Variants in PEX5L observed in about 807,000 individuals in gnomAD.
The protein encoded by PEX5L is peroxisomal biogenesis factor 5 like.
A neutral mutation model predicts 84.0 loss-of-function variants in PEX5L; 30 were observed. The observed-to-expected ratio is 0.36, with a 90% CI of 0.27 to 0.48. PEX5L has a LOEUF of 0.48. Ranked by LOEUF, PEX5L falls within the 20% of genes least tolerant of loss-of-function variation. The pLI is 0.99. For synonymous variants in PEX5L, 270 were observed against 283.1 expected (o/e 0.95, Z 0.46); for missense variants, 533 against 754.6 (o/e 0.71, Z 3.44).
intron 1 of PEX5L, among the ~76,000 whole-genome samples, chr3:180,007,714 A>T (rs1261490718): frequency 2.0e-5 from 3 of 152,228 alleles, no homozygotes. Flanking sequence ...TGCAGGCTAA[A>T]TACCACATGG....
chr3:180,033,173 A>C (rs929721069), intron 1 of PEX5L, among the ~76,000 whole-genome samples: 35 of 152,224 alleles, frequency 2.3e-4, no homozygotes, highest in African/African-American at 7.7e-4. Context: ...CAAATGCAAA[A>C]CTCCCCTGGG....
At chr3:179,907,408 A>G (rs922510212) in intron 2 of PEX5L, among the ~76,000 whole-genome samples, 2 of 151,904 alleles carry the variant, frequency 1.3e-5, no homozygotes, top group African/African-American at 4.8e-5. Context: ...GAGCTCTTGT[A>G]CTCAAGTGAT....
rs951674876 is a variant in PEX5L at position 179,799,507 on chromosome 3, C to G, written c.*2321G>C. On this transcript the variant is annotated 3_prime_UTR_variant, in exon 15 of 15. Coordinates refer to ENST00000467460, the MANE Select transcript of PEX5L (RefSeq NM_016559.3). Reference sequence around the variant, plus strand: ...CACAAAATTTGCCACCATTTAGCAACAAATTAATTATTTGACATTTATACT... The same window carrying G: ...CACAAAATTTGCCACCATTTAGCAAGAAATTAATTATTTGACATTTATACT... 1 of 152,184 alleles carries G rather than the reference C, an allele frequency of 6.6e-6. No homozygotes were observed. The highest frequency in any genetic ancestry group is 2.4e-5 in the African/African-American group (1 of 41,448). 9.4% of individuals were successfully genotyped at this position (152,184 alleles called of 1,614,324 possible).
intron 1 of PEX5L, among the ~76,000 whole-genome samples, chr3:180,005,406 A>C (rs1302169234): frequency 6.6e-6 from 1 of 152,096 alleles, no homozygotes; most frequent in Non-Finnish European, 1.5e-5. Flanking sequence ...GACTACAATC[A>C]TATGCCAACA....
intron 1 of PEX5L, among the ~76,000 whole-genome samples, chr3:179,976,117 T>A (rs1201328254): frequency 6.6e-6 from 1 of 152,166 alleles, no homozygotes; most frequent in Non-Finnish European, 1.5e-5. Flanking sequence ...AGAGAACAGT[T>A]GCATTTAAGT....
chr3:179,993,809 T>C (rs2110384940), intron 1 of PEX5L, among the ~76,000 whole-genome samples: 1 of 152,274 alleles, frequency 6.6e-6, no homozygotes, highest in East Asian at 1.9e-4. Flanking sequence ...GGCTTTCCCA[T>C]ATACTTTAAA....
At chr3:179,995,980 C>T (rs761864405) in intron 1 of PEX5L, among the ~76,000 whole-genome samples, 1 of 152,192 alleles carries the variant, frequency 6.6e-6, no homozygotes, top group Non-Finnish European at 1.5e-5. Flanking sequence ...CTTCCCCATT[C>T]CCGTAAAGTG....
chr3:179,803,764 C>T (rs1415733145), intron 14 of PEX5L, among the ~76,000 whole-genome samples: 2 of 152,180 alleles, frequency 1.3e-5, no homozygotes, highest in African/African-American at 4.8e-5. Context: ...TTCTAATGCA[C>T]ATAATCCAGG....
intron 8 of PEX5L, among the ~76,000 whole-genome samples, chr3:179,849,822 T>C (rs775028933): frequency 5.3e-5 from 8 of 152,250 alleles, no homozygotes; most frequent in Non-Finnish European, 7.3e-5. Context: ...ACATCCAGAA[T>C]GCAGATCGTG....
At chr3:179,860,883 C>T (rs1049501935) in intron 7 of PEX5L, among the ~76,000 whole-genome samples, 2 of 152,166 alleles carry the variant, frequency 1.3e-5, no homozygotes, top group African/African-American at 4.8e-5. Context: ...ATGCTCATAA[C>T]CACTGTTCTA....
chr3:179,868,562 T>G (rs1577833414), intron 7 of PEX5L, among the ~76,000 whole-genome samples: 1 of 152,282 alleles, frequency 6.6e-6, no homozygotes, highest in South Asian at 2.1e-4. Flanking sequence ...AAGCTGTCTT[T>G]TGTTGGGGAA....
At position 180,036,930 on chromosome 3, in the gene PEX5L, C is replaced by T; in HGVS notation, c.-331G>A. ...ACTCCTTCTTCGCCGAACTCTTTCT[C>T]GCTTCCTGCCAGGTTGCCTCATGTC... On this transcript the variant is annotated 5_prime_UTR_variant, in exon 1 of 15. Coordinates refer to ENST00000467460, the MANE Select transcript of PEX5L (RefSeq NM_016559.3). The T allele has an allele frequency of 2.8e-6, 1 of 359,686 alleles. No individual in the cohort carries two copies. The highest frequency in any genetic ancestry group is 5.3e-6 in the Non-Finnish European group (1 of 188,646). The allele number at this position is 359,686 out of a possible 1,614,324, so 22.3% of individuals were successfully genotyped here. A position where few individuals can be genotyped will look rare whatever the true frequency, so the allele number is the denominator to read the frequency against.
intron 11 of PEX5L, among the ~76,000 whole-genome samples, chr3:179,810,535 T>C (rs1006739070): frequency 6.6e-6 from 1 of 152,134 alleles, no homozygotes; most frequent in Non-Finnish European, 1.5e-5. Flanking sequence ...GTGAATCATC[T>C]GGGGTGTCTT....
At chr3:179,883,458 T>A (rs1358183939) in intron 4 of PEX5L, among the ~76,000 whole-genome samples, 1 of 152,222 alleles carries the variant, frequency 6.6e-6, no homozygotes, top group Non-Finnish European at 1.5e-5. Context: ...ATATTGTGCA[T>A]AAAATAAGGC....
chr3:179,912,776 A>G (rs984914118), intron 2 of PEX5L, among the ~76,000 whole-genome samples: 4 of 152,096 alleles, frequency 2.6e-5, no homozygotes, highest in South Asian at 2.1e-4. Context: ...AGCATTCCCA[A>G]TTATTTTTTC....
chr3:179,866,999 C>T (rs1049991224), intron 7 of PEX5L, among the ~76,000 whole-genome samples: 2 of 141,106 alleles, frequency 1.4e-5, no homozygotes, highest in African/African-American at 5.3e-5. Flanking sequence ...GTACTCCAGC[C>T]TGGGTGACAG....
At chr3:179,997,927 T>G (rs1434647393) in intron 1 of PEX5L, among the ~76,000 whole-genome samples, 1 of 152,250 alleles carries the variant, frequency 6.6e-6, no homozygotes, top group Non-Finnish European at 1.5e-5. Context: ...TCTGGCTTTG[T>G]GTCATAATCT....
At chr3:179,947,644 T>C (rs1341194573) in intron 2 of PEX5L, among the ~76,000 whole-genome samples, 1 of 151,952 alleles carries the variant, frequency 6.6e-6, no homozygotes, top group South Asian at 2.1e-4. Context: ...AGCATTTTTT[T>C]AACTTTGTAG....
intron 1 of PEX5L, among the ~76,000 whole-genome samples, chr3:180,005,294 C>T (rs1435531059): frequency 6.6e-6 from 1 of 151,706 alleles, no homozygotes; most frequent in Non-Finnish European, 1.5e-5. Context: ...ATAGGGTTTT[C>T]CTGTCACCCA....
Sources: allele counts gnomAD v4.1 joint callset (sites outside exome capture counted in the v4.1 genomes callset), GRCh38; gene constraint gnomAD v4.1.1; transcripts MANE v1.5; gene names NCBI Gene and HGNC (gene_info 2026-07-23, HGNC 2026-07-21).